Variants in PRKAR1A observed in about 807,000 individuals in gnomAD.
PRKAR1A encodes protein kinase cAMP-dependent type I regulatory subunit alpha.
Under a neutral mutation model 52.0 loss-of-function variants are expected in PRKAR1A, and 3 were observed. The observed-to-expected ratio is 0.06, with a 90% CI of 0.03 to 0.15. The LOEUF is 0.15. Among genes scored for constraint, PRKAR1A ranks in the 10% least tolerant of loss-of-function variants. PRKAR1A has a pLI of 1.00. For synonymous variants in PRKAR1A, 188 were observed against 168.4 expected, an observed-to-expected ratio of 1.12 and a Z score of -0.90; for missense variants, 240 against 477.4, an observed-to-expected ratio of 0.50 and a Z score of 4.63.
intron 2 of PRKAR1A, among the ~76,000 whole-genome samples, chr17:68,520,529 TG>T (rs1251137576): frequency 3.3e-5 from 5 of 152,208 alleles, no homozygotes; most frequent in African/African-American, 7.2e-5. Context: ...AGGCATAGAA[TG>T]TGTAATGATC....
the PRKAR1A span, among the ~76,000 whole-genome samples, chr17:68,496,818 C>CTTTTTTTTTTTTT: frequency 6.6e-4 from 60 of 91,220 alleles, 1 homozygote; most frequent in East Asian, 1.4e-3. Context: ...TTAGTTTTTA[C>CTTTTTTTTTTTTT]TTTTTTTTTT....
the PRKAR1A span, among the ~76,000 whole-genome samples, chr17:68,458,014 G>A: frequency 6.6e-6 from 1 of 151,786 alleles, no homozygotes. Flanking sequence ...CCCTTGCCAT[G>A]TGTAACTCTG....
chr17:68,536,101 C>T (rs1204194494), downstream of PRKAR1A: 2 of 454,096 alleles, frequency 4.4e-6, no homozygotes, highest in Non-Finnish European at 4.4e-6. Context: ...CCAGGGGCAG[C>T]ATACCAGTCA....
intron 3 of PRKAR1A, 54 bp from the exon 4 acceptor site, chr17:68,523,671 C>T (rs752264097): frequency 6.7e-5 from 95 of 1,415,648 alleles, no homozygotes; most frequent in Non-Finnish European, 8.1e-5. Context: ...AGGTTGCAAA[C>T]GTGAAATGTT....
chr17:68,463,228 T>G, the PRKAR1A span, among the ~76,000 whole-genome samples: 1 of 152,054 alleles, frequency 6.6e-6, no homozygotes, highest in Non-Finnish European at 1.5e-5. Context: ...AAAACTGGCT[T>G]GAGTGATAAG....
the PRKAR1A span, among the ~76,000 whole-genome samples, chr17:68,457,994 C>T: frequency 6.6e-6 from 1 of 152,244 alleles, no homozygotes; most frequent in Non-Finnish European, 1.5e-5. Flanking sequence ...AGTTCCCACC[C>T]CGCCCAGACC....
chr17:68,500,823 A>G, the PRKAR1A span, among the ~76,000 whole-genome samples: 4 of 152,062 alleles, frequency 2.6e-5, no homozygotes, highest in Admixed American at 6.6e-5. Context: ...GGCCTCAGGT[A>G]TAACTTTATC....
the PRKAR1A span, chr17:68,426,235 T>TGGG: frequency 6.1e-6 from 4 of 652,378 alleles, no homozygotes; most frequent in Non-Finnish European, 8.8e-6. Flanking sequence ...TGCCATGACC[T>TGGG]GGCGGGTGGG....
At chr17:68,420,421 C>G in the PRKAR1A span, 1 of 1,614,208 alleles carries the variant, frequency 6.2e-7, no homozygotes, top group East Asian at 2.2e-5. Context: ...TAACTCCCTG[C>G]TGTAATCCCT....
the PRKAR1A span, among the ~76,000 whole-genome samples, chr17:68,490,256 G>C: frequency 6.6e-6 from 1 of 152,212 alleles, no homozygotes; most frequent in African/African-American, 2.4e-5. Context: ...TGTGGCAGAG[G>C]GGGCAAGCGT....
chr17:68,526,045 T>TTC lies in PRKAR1A; in HGVS notation c.708+134_708+135insCT, dbSNP rs10625677. 0.68 allele frequency: 830,180 copies of TTC among 1,222,184 alleles called. 288,548 individuals are homozygous for TTC. The highest frequency in any genetic ancestry group is 0.92 in the East Asian group (36,102 of 39,178). The allele number at this position is 1,222,184 out of a possible 1,614,324, so 75.7% of individuals were successfully genotyped here. On this transcript the variant is annotated intron_variant, in intron 7 of 10. Coordinates refer to ENST00000589228, the MANE Select transcript of PRKAR1A (RefSeq NM_002734.5). ...TTTCTTTCTTTTAATAAGCGAATAT[T>TTC]TTTCTTTTAATGAGCAAATACTTTG... is the stretch of plus-strand genomic sequence containing the variant.
chr17:68,514,686 G>A (rs2085374085), intron 1 of PRKAR1A: 1 of 152,154 alleles, frequency 6.6e-6, no homozygotes, highest in Non-Finnish European at 1.5e-5. Flanking sequence ...CTGTCCAAAT[G>A]TTTTACAGTT....
At chr17:68,483,039 TAA>T in the PRKAR1A span, among the ~76,000 whole-genome samples, 2 of 152,178 alleles carry the variant, frequency 1.3e-5, no homozygotes, top group Non-Finnish European at 2.9e-5. Flanking sequence ...TTGGCTAACT[TAA>T]AGTCAGAAAA....
At chr17:68,450,685 C>CA in the PRKAR1A span, 4 of 1,563,020 alleles carry the variant, frequency 2.6e-6, no homozygotes, top group African/African-American at 5.5e-5. Context: ...GTTTGGCTCC[C>CA]GTTAGCAGAA....
chr17:68,478,821 G>A, the PRKAR1A span, among the ~76,000 whole-genome samples: 37 of 151,532 alleles, frequency 2.4e-4, no homozygotes, highest in Non-Finnish European at 2.2e-4. Flanking sequence ...TCCGCCTCCC[G>A]GATTCAAGCA....
At chr17:68,527,976 C>G (rs1014373627) in intron 8 of PRKAR1A, 76 bp downstream of exon 8, 1 of 1,327,074 alleles carries the variant, frequency 7.5e-7, no homozygotes, top group East Asian at 2.3e-5. Context: ...TTGGGAAAAG[C>G]CTTCTGAAAG....
the PRKAR1A span, among the ~76,000 whole-genome samples, chr17:68,442,041 G>A: frequency 6.6e-6 from 1 of 152,106 alleles, no homozygotes; most frequent in East Asian, 1.9e-4. Context: ...AATATACACT[G>A]TCTCTAACAG....
Position 68,533,192 on chromosome 17 carries a change from A to G in PRKAR1A, c.*2743A>G. On this transcript the variant is annotated 3_prime_UTR_variant, in exon 11 of 11. Coordinates refer to ENST00000589228, the MANE Select transcript of PRKAR1A (RefSeq NM_002734.5). The stretch of plus-strand genomic sequence containing the variant: ...ATTTTGCATATATAAAGCCTCATAT[A>G]TAAAGCCTTATTTCTGATGCTCTTA... 9.5e-7 allele frequency: 1 copy of G among 1,054,006 alleles called. No homozygotes were observed. The highest frequency in any genetic ancestry group is 1.2e-6 in the Non-Finnish European group (1 of 869,126). The allele number at this position is 1,054,006 out of a possible 1,614,324, so 65.3% of individuals were successfully genotyped here. A position where few individuals can be genotyped will look rare whatever the true frequency, so the allele number is the denominator to read the frequency against.
At chr17:68,457,390 C>G in the PRKAR1A span, 4 of 1,535,486 alleles carry the variant, frequency 2.6e-6, no homozygotes, top group Non-Finnish European at 3.5e-6. Context: ...CTCAACCCCG[C>G]CCGGGGGAGC....
Sources: allele counts gnomAD v4.1 joint callset (sites outside exome capture counted in the v4.1 genomes callset), GRCh38; gene constraint gnomAD v4.1.1; transcripts MANE v1.5; gene names NCBI Gene and HGNC (gene_info 2026-07-23, HGNC 2026-07-21).